GSE1: variants seen among roughly 807,000 people sequenced by gnomAD.
The protein encoded by GSE1 is genetic suppressor element 1.
Under a neutral mutation model 112.6 loss-of-function variants are expected in GSE1, and 32 were observed. The ratio of observed to expected loss-of-function variants is 0.28; its 90% CI spans 0.21 to 0.38. The LOEUF (loss-of-function observed/expected upper bound fraction) is 0.38, where lower values mean the gene tolerates loss of function less well. Ranked by LOEUF, GSE1 falls within the 10% of genes least tolerant of loss-of-function variation. GSE1 has a pLI of 1.00. For synonymous variants in GSE1, 1,115 were observed against 735.6 expected, an observed-to-expected ratio of 1.52 and a Z score of -8.35; for missense variants, 2,348 against 1,699.2, an observed-to-expected ratio of 1.38 and a Z score of -6.71.
rs777386416 is a variant in GSE1, at chr16:85,410,428, G to GC, written c.2464+52790dup. On this transcript the variant is annotated intron_variant, in intron 2 of 2. Transcript: ENST00000637419. ...GATAATCCTCACTGTTACACTCAGG[G>GC]CCCCCTGGATAATCCTCACTGTTAC... is the stretch of plus-strand genomic sequence containing the variant. 1.2e-3 allele frequency among the ~76,000 whole-genome samples: 13 copies of GC among 10,508 alleles called. 1 individual carries two copies. Among genetic ancestry groups the GC allele is most frequent in the Non-Finnish European group, 2.2e-3 (10 of 4,622 alleles). The allele number at this position is 10,508 out of a possible 152,430, so 6.9% of individuals were successfully genotyped here.
intron 2 of GSE1, among the ~76,000 whole-genome samples, chr16:85,457,335 G>A (rs954463802): frequency 6.6e-6 from 1 of 152,190 alleles, no homozygotes; most frequent in East Asian, 1.9e-4. Context: ...GGGGGACAGC[G>A]AGACTCCCCC....
At chr16:85,355,530 A>ACGC (rs1478354617) in intron 1 of GSE1, among the ~76,000 whole-genome samples, 1 of 152,196 alleles carries the variant, frequency 6.6e-6, no homozygotes, top group Non-Finnish European at 1.5e-5. Flanking sequence ...CAGAGAGCAG[A>ACGC]CGCCGACAGC....
intron 2 of GSE1, among the ~76,000 whole-genome samples, chr16:85,374,317 G>T (rs922209583): frequency 4.6e-5 from 7 of 151,614 alleles, no homozygotes; most frequent in Admixed American, 2.0e-4. Context: ...TCGGTGTGCA[G>T]TGTGTGTCAG....
At chr16:85,653,652 G>C (rs2051637286) in intron 3 of GSE1, among the ~76,000 whole-genome samples, 1 of 152,058 alleles carries the variant, frequency 6.6e-6, no homozygotes, top group South Asian at 2.1e-4. Flanking sequence ...CAGCTGGCCA[G>C]TCAGGGCCCA....
At chr16:85,384,973 A>G (rs1287741376) in intron 2 of GSE1, among the ~76,000 whole-genome samples, 1 of 152,248 alleles carries the variant, frequency 6.6e-6, no homozygotes, top group Non-Finnish European at 1.5e-5. Flanking sequence ...TGCTGTGCAC[A>G]CCTGCCCCGC....
intron 1 of GSE1, among the ~76,000 whole-genome samples, chr16:85,576,917 C>T (rs906190121): frequency 2.6e-5 from 4 of 152,192 alleles, no homozygotes; most frequent in African/African-American, 9.7e-5. Context: ...GCAACACTGC[C>T]TGGTTTACAA....
chr16:85,466,675 T>TAA (rs66897778), intron 2 of GSE1, among the ~76,000 whole-genome samples: 1 of 140,440 alleles, frequency 7.1e-6, no homozygotes, highest in African/African-American at 2.6e-5. Context: ...GTTTGCAAAT[T>TAA]AAAAAAAAAA....
chr16:85,636,917 C>T (rs531961522), intron 2 of GSE1, among the ~76,000 whole-genome samples: 16 of 150,420 alleles, frequency 1.1e-4, no homozygotes, highest in Admixed American at 8.6e-4. Flanking sequence ...CCCAGCTCCC[C>T]TGTGCTACCC....
At chr16:85,310,788 C>A (rs2045819174) in intron 1 of GSE1, among the ~76,000 whole-genome samples, 1 of 151,798 alleles carries the variant, frequency 6.6e-6, no homozygotes, top group Non-Finnish European at 1.5e-5. Context: ...CGTCCCCCCC[C>A]CACCCACCTC....
intron 2 of GSE1, among the ~76,000 whole-genome samples, chr16:85,647,752 A>G (rs1241904815): frequency 6.6e-6 from 1 of 152,054 alleles, no homozygotes; most frequent in Non-Finnish European, 1.5e-5. Flanking sequence ...ACGCCCGGCT[A>G]ATATTTGTAT....
At chr16:85,525,670 G>A (rs1242347784) in intron 2 of GSE1, among the ~76,000 whole-genome samples, 1 of 152,198 alleles carries the variant, frequency 6.6e-6, no homozygotes, top group Non-Finnish European at 1.5e-5. Flanking sequence ...TGTCCCTCAG[G>A]GGGCAGTGTG....
At chr16:85,382,275 C>G (rs1054861287) in intron 2 of GSE1, among the ~76,000 whole-genome samples, 5 of 152,192 alleles carry the variant, frequency 3.3e-5, no homozygotes, top group African/African-American at 1.2e-4. Context: ...TGTCTGGGCT[C>G]TTCCTTTACT....
intron 1 of GSE1, among the ~76,000 whole-genome samples, chr16:85,587,075 G>C (rs1369464866): frequency 6.6e-6 from 1 of 152,008 alleles, no homozygotes; most frequent in East Asian, 1.9e-4. Context: ...ATCTCTTGTA[G>C]CCTGGAGGAG....
At chr16:85,382,166 C>T (rs1489728585) in intron 2 of GSE1, among the ~76,000 whole-genome samples, 2 of 152,322 alleles carry the variant, frequency 1.3e-5, no homozygotes, top group Admixed American at 6.5e-5. Flanking sequence ...GGCCACACAT[C>T]GCTGCTGGGG....
At chr16:85,617,366 G>A (rs544438431) in intron 1 of GSE1, among the ~76,000 whole-genome samples, 28 of 152,364 alleles carry the variant, frequency 1.8e-4, no homozygotes, top group Admixed American at 1.6e-3. Flanking sequence ...CCAGTCATCT[G>A]TGGAAAGAAG....
At chr16:85,654,753 C>T (rs372736888) in intron 4 of GSE1, 41 bp from the exon 5 acceptor site, 14 of 1,268,542 alleles carry the variant, frequency 1.1e-5, no homozygotes, top group African/African-American at 5.8e-5. Flanking sequence ...AGCAGGTGTG[C>T]ACTCACCTGT....
At chr16:85,520,972 G>T (rs1051224588) in intron 2 of GSE1, among the ~76,000 whole-genome samples, 1 of 152,120 alleles carries the variant, frequency 6.6e-6, no homozygotes, top group East Asian at 1.9e-4. Flanking sequence ...CAGACAGACC[G>T]GTCCAACAGG....
intron 1 of GSE1, among the ~76,000 whole-genome samples, chr16:85,309,757 C>T (rs958858948): frequency 6.6e-6 from 1 of 152,210 alleles, no homozygotes; most frequent in Non-Finnish European, 1.5e-5. Context: ...AGCCGAGCGG[C>T]AGGCTGAGCC....
At chr16:85,648,826 G>C (rs1261154619) in intron 3 of GSE1, 75 bp downstream of exon 3, 13 of 843,910 alleles carry the variant, frequency 1.5e-5, no homozygotes, top group Admixed American at 1.1e-4. Flanking sequence ...TGGGGGCTCT[G>C]GAGCTTTCGA....
Sources: allele counts gnomAD v4.1 joint callset (sites outside exome capture counted in the v4.1 genomes callset), GRCh38; gene constraint gnomAD v4.1.1; transcripts MANE v1.5; gene names NCBI Gene and HGNC (gene_info 2026-07-23, HGNC 2026-07-21).